The following PCDH15 variants were observed in gnomAD, a reference collection of about 807,000 sequenced individuals.
The protein encoded by PCDH15 is protocadherin related 15.
Under a neutral mutation model 178.5 loss-of-function variants are expected in PCDH15, and 129 were observed. That is an observed-to-expected ratio of 0.72 (90% CI 0.63 to 0.84). The LOEUF is 0.84. Among genes scored for constraint, PCDH15 ranks in the 40% least tolerant of loss-of-function variants. The pLI, the probability that PCDH15 is intolerant of heterozygous loss-of-function variation, is 0.00. For missense variants in PCDH15, 2,230 were observed against 2,099.9 expected, an observed-to-expected ratio of 1.06 and a Z score of -1.21; for synonymous variants, 800 against 732.0, an observed-to-expected ratio of 1.09 and a Z score of -1.50.
rs563178801 is a variant in PCDH15, at chr10:55,423,651, G to T, written c.-156+203974C>A. ...GTTGATGGAAGGCCCATTCAAGGCT[G>T]GAAGCCTTACCACCTACTAGACTAC... On this transcript the variant is annotated intron_variant, in intron 2 of 5. Transcript: ENST00000613346. 3.9e-5 allele frequency among the ~76,000 whole-genome samples: 6 copies of T among 152,102 alleles called. No homozygotes were observed. In the South Asian group the frequency reaches 1.0e-3, roughly 26 times the overall value.
At chr10:53,921,421 T>G (rs1448982992) in intron 25 of PCDH15, among the ~76,000 whole-genome samples, 1 of 152,130 alleles carries the variant, frequency 6.6e-6, no homozygotes, top group Non-Finnish European at 1.5e-5. Context: ...CAGTATCACT[T>G]CCTCCTTTAT....
chr10:54,540,572 C>A lies in PCDH15; in HGVS notation c.92-12695G>T, dbSNP rs543635003. Among the ~76,000 whole-genome samples, 5 of 152,178 alleles carry A rather than the reference C, an allele frequency of 3.3e-5. No individual in the cohort carries two copies. The East Asian group carries it at 9.7e-4, about 29-fold the overall frequency. Reference sequence around the variant, plus strand: ...AGATGAACTCACAGCCGAATTCTACCAGATGTACAAAGAAGAGCTGGTACC... The same window carrying A: ...AGATGAACTCACAGCCGAATTCTACAAGATGTACAAAGAAGAGCTGGTACC... On this transcript the variant is annotated intron_variant, in intron 2 of 37. Transcript: ENST00000644397.
intron 10 of PCDH15, among the ~76,000 whole-genome samples, chr10:54,213,705 A>G (rs1036648712): frequency 2.6e-5 from 4 of 152,158 alleles, no homozygotes; most frequent in Admixed American, 6.6e-5. Context: ...TTTGTTACAT[A>G]TAAGAATATT....
intron 32 of PCDH15, chr10:53,821,833 C>G: frequency 1.2e-6 from 2 of 1,610,574 alleles, no homozygotes; most frequent in Non-Finnish European, 8.5e-7. Flanking sequence ...AAGAGGTTTG[C>G]CCGACTAAAA....
At chr10:53,906,419 A>G (rs1564736894) in intron 25 of PCDH15, among the ~76,000 whole-genome samples, 2 of 152,120 alleles carry the variant, frequency 1.3e-5, no homozygotes, top group East Asian at 1.9e-4. Flanking sequence ...TTAGATTTCA[A>G]TATTCTTAAA....
intron 2 of PCDH15, among the ~76,000 whole-genome samples, chr10:55,591,802 A>G (rs140610436): frequency 6.6e-6 from 1 of 152,156 alleles, no homozygotes; most frequent in Non-Finnish European, 1.5e-5. Context: ...AAAAAATTTT[A>G]AAAAGCAATG....
chr10:55,514,998 T>TTG (rs997554588), intron 2 of PCDH15, among the ~76,000 whole-genome samples: 1 of 148,824 alleles, frequency 6.7e-6, no homozygotes, highest in Non-Finnish European at 1.5e-5. Flanking sequence ...TTTTTTTTTT[T>TTG]TTTTTTTTTG....
chr10:54,047,709 G>C (rs1001235120), intron 18 of PCDH15, among the ~76,000 whole-genome samples: 1 of 151,882 alleles, frequency 6.6e-6, no homozygotes, highest in Non-Finnish European at 1.5e-5. Flanking sequence ...TTAAAATAAT[G>C]GTCTCCAGCT....
chr10:54,659,753 C>A (rs75259092), intron 2 of PCDH15, among the ~76,000 whole-genome samples: 177 of 111,432 alleles, frequency 1.6e-3, no homozygotes, highest in African/African-American at 1.8e-3. Flanking sequence ...GACCCTGTCT[C>A]AAAAAAAAAA....
At chr10:54,864,487 A>C (rs747976519) in intron 3 of PCDH15, among the ~76,000 whole-genome samples, 4 of 152,218 alleles carry the variant, frequency 2.6e-5, no homozygotes, top group Admixed American at 2.0e-4. Context: ...AGGGAAACTT[A>C]TATCAAGGAT....
At chr10:55,386,031 T>A (rs2246921) in intron 2 of PCDH15, among the ~76,000 whole-genome samples, 94,172 of 151,378 alleles carry the variant, frequency 0.62, 30,271 homozygotes, top group African/African-American at 0.75. Flanking sequence ...TATAAATTTG[T>A]TTGACTATCA....
Position 54,598,396 on chromosome 10 carries a change from C to G in PCDH15, c.91+65776G>C, listed in dbSNP as rs144516849. On this transcript the variant is annotated intron_variant, in intron 2 of 37. Transcript: ENST00000644397. Reference sequence around the variant, plus strand: ...AGCCACATGAACATCTCAATAGATGCAGAAAGACTTTTGAAAAAATTCTGC... The same window carrying G: ...AGCCACATGAACATCTCAATAGATGGAGAAAGACTTTTGAAAAAATTCTGC... Among the ~76,000 whole-genome samples, 365 of 152,052 alleles carry G rather than the reference C, an allele frequency of 2.4e-3. 3 individuals are homozygous for G. Among genetic ancestry groups the G allele is most frequent in the Admixed American group, 0.014 (206 of 15,250 alleles).
At chr10:54,967,849 T>C (rs1007832570) in intron 2 of PCDH15, among the ~76,000 whole-genome samples, 2 of 152,166 alleles carry the variant, frequency 1.3e-5, no homozygotes, top group Non-Finnish European at 2.9e-5. Flanking sequence ...GGGACAGTTA[T>C]CTTTTTGCTG....
At chr10:54,730,492 T>C (rs1313266561) in intron 1 of PCDH15, among the ~76,000 whole-genome samples, 3 of 151,546 alleles carry the variant, frequency 2.0e-5, no homozygotes, top group Non-Finnish European at 4.4e-5. Flanking sequence ...CAAGCCCCCA[T>C]GGCATGCAAT....
At chr10:55,238,301 T>C (rs929976857) in intron 1 of PCDH15, among the ~76,000 whole-genome samples, 3 of 151,818 alleles carry the variant, frequency 2.0e-5, no homozygotes, top group South Asian at 2.1e-4. Context: ...AGGCACCCGC[T>C]ACCACGCCCG....
intron 32 of PCDH15, chr10:53,822,888 C>T: frequency 6.2e-7 from 1 of 1,614,034 alleles, no homozygotes; most frequent in Non-Finnish European, 8.5e-7. Context: ...TGTACAGATT[C>T]CAGTGTTTTC....
chr10:54,062,246 A>AAAAAAAAAAAAAAAAAAAAAAT (rs2094038412), intron 18 of PCDH15, among the ~76,000 whole-genome samples: 3 of 135,054 alleles, frequency 2.2e-5, no homozygotes, highest in African/African-American at 6.1e-5. Context: ...AAAAAAAAAA[A>AAAAAAAAAAAAAAAAAAAAAAT]AAAAAACAAA....
intron 20 of PCDH15, among the ~76,000 whole-genome samples, chr10:54,015,882 A>C (rs558868666): frequency 1.6e-5 from 1 of 63,656 alleles, no homozygotes; most frequent in African/African-American, 6.5e-5. Context: ...TTTTAACAAC[A>C]GCAAAAATTG....
chr10:55,433,634 G>C (rs1163919764), intron 2 of PCDH15, among the ~76,000 whole-genome samples: 2 of 151,888 alleles, frequency 1.3e-5, no homozygotes, highest in East Asian at 3.9e-4. Flanking sequence ...GTAATCTTTT[G>C]ATTAACAAAC....
Sources: gnomAD v4.1 joint callset for allele counts (sites outside exome capture counted in the v4.1 genomes callset) on GRCh38, gnomAD v4.1.1 for gene constraint, MANE v1.5 for transcripts, NCBI Gene and HGNC (gene_info 2026-07-23, HGNC 2026-07-21) for gene names.